The following PARM1 variants were observed in gnomAD, a reference collection of about 807,000 sequenced individuals.
PARM1 encodes the protein prostate androgen-regulated mucin-like protein 1.
A neutral mutation model predicts 24.6 loss-of-function variants in PARM1; 14 were observed. The observed-to-expected ratio is 0.57, with a 90% confidence interval of 0.38 to 0.89. PARM1 has a LOEUF of 0.89. Among genes scored for constraint, PARM1 ranks in the 40% least tolerant of loss-of-function variants. The pLI is 0.00. For synonymous variants in PARM1, 179 were observed against 156.6 expected, an observed-to-expected ratio of 1.14 and a Z score of -1.07; for missense variants, 362 against 380.4, an observed-to-expected ratio of 0.95 and a Z score of 0.40.
chr4:74,984,581 AT>A (rs1171230029), intron 1 of PARM1, among the ~76,000 whole-genome samples: 2 of 152,166 alleles, frequency 1.3e-5, no homozygotes, highest in East Asian at 3.9e-4. Flanking sequence ...GTTCTTTATC[AT>A]TTTCGAACGT....
At chr4:75,003,819 C>T (rs997871179) in intron 1 of PARM1, among the ~76,000 whole-genome samples, 1 of 152,136 alleles carries the variant, frequency 6.6e-6, no homozygotes, top group Non-Finnish European at 1.5e-5. Flanking sequence ...AACAGTGGCT[C>T]AACCTAAAAC....
At chr4:74,936,179 A>T (rs1721179685) in intron 1 of PARM1, among the ~76,000 whole-genome samples, 1 of 152,156 alleles carries the variant, frequency 6.6e-6, no homozygotes, top group African/African-American at 2.4e-5. Flanking sequence ...GATGGTCTTC[A>T]GTTCTCTCAA....
chr4:74,935,604 C>T (rs1377342585), intron 1 of PARM1, among the ~76,000 whole-genome samples: 1 of 152,168 alleles, frequency 6.6e-6, no homozygotes, highest in Non-Finnish European at 1.5e-5. Flanking sequence ...CTGTTTCCTT[C>T]TCATTTTCCT....
intron 2 of PARM1, among the ~76,000 whole-genome samples, chr4:75,027,959 A>G (rs1458052238): frequency 6.6e-6 from 1 of 152,194 alleles, no homozygotes; most frequent in Admixed American, 6.5e-5. Context: ...TGGGCAACAC[A>G]TGGACTCTCG....
At chr4:75,007,043 C>A (rs1432083018) in intron 1 of PARM1, among the ~76,000 whole-genome samples, 3 of 152,146 alleles carry the variant, frequency 2.0e-5, no homozygotes, top group African/African-American at 7.2e-5. Context: ...AATCAAGCAA[C>A]CCCATCAAAA....
At chr4:74,955,624 C>T (rs1378262209) in intron 1 of PARM1, among the ~76,000 whole-genome samples, 1 of 152,198 alleles carries the variant, frequency 6.6e-6, no homozygotes, top group Non-Finnish European at 1.5e-5. Flanking sequence ...TCATAAGCCT[C>T]CTCAGGATAT....
chr4:74,986,045 G>C (rs1478841155), intron 1 of PARM1, among the ~76,000 whole-genome samples: 1 of 152,178 alleles, frequency 6.6e-6, no homozygotes, highest in Non-Finnish European at 1.5e-5. Flanking sequence ...GGGATTACAG[G>C]CATGAGCCAC....
intron 1 of PARM1, among the ~76,000 whole-genome samples, chr4:74,940,560 A>G (rs1721284843): frequency 6.6e-6 from 1 of 152,174 alleles, no homozygotes; most frequent in Non-Finnish European, 1.5e-5. Context: ...ACCACTTCCT[A>G]AAGACCCCAC....
chr4:74,985,546 A>T (rs1722335346), intron 1 of PARM1, among the ~76,000 whole-genome samples: 1 of 152,196 alleles, frequency 6.6e-6, no homozygotes, highest in South Asian at 2.1e-4. Flanking sequence ...GTAACAAAGC[A>T]ACTTGCTTAA....
chr4:74,994,594 AG>A (rs928492370), intron 1 of PARM1, among the ~76,000 whole-genome samples: 1 of 152,072 alleles, frequency 6.6e-6, no homozygotes, highest in Non-Finnish European at 1.5e-5. Context: ...GGATAACTTG[AG>A]GTCAGTATTT....
intron 1 of PARM1, among the ~76,000 whole-genome samples, chr4:74,979,316 G>A (rs1032663852): frequency 2.0e-5 from 3 of 152,092 alleles, no homozygotes; most frequent in Non-Finnish European, 2.9e-5. Flanking sequence ...ACAACCATCA[G>A]AGAATACTAT....
intron 1 of PARM1, among the ~76,000 whole-genome samples, chr4:74,978,105 C>T (rs970957411): frequency 2.0e-5 from 3 of 152,168 alleles, no homozygotes; most frequent in Admixed American, 6.5e-5. Flanking sequence ...GGATCAAATT[C>T]ACACATAACA....
At chr4:74,955,471 T>G (rs959008434) in intron 1 of PARM1, among the ~76,000 whole-genome samples, 1 of 152,254 alleles carries the variant, frequency 6.6e-6, no homozygotes, top group Non-Finnish European at 1.5e-5. Context: ...ATTATGTATA[T>G]GTACTTATTT....
At chr4:74,961,011 A>G (rs186359259) in intron 1 of PARM1, among the ~76,000 whole-genome samples, 216 of 152,218 alleles carry the variant, frequency 1.4e-3, no homozygotes, top group African/African-American at 5.1e-3. Context: ...TCTCAAAAAA[A>G]AAAAAAAGAT....
At position 75,046,388 on chromosome 4, in the gene PARM1, C is replaced by A. The variant is rs996430414; in HGVS notation, c.*141C>A. On this transcript the variant is annotated 3_prime_UTR_variant, in exon 4 of 4. Transcript: ENST00000307428. ...GGTATGGTTGTTTTTGTTTTCCTCC[C>A]TCTCCTCTGGCTGCTACAACTTCCC... 1.2e-5 allele frequency: 7 copies of A among 583,690 alleles called. No homozygotes were observed. The African/African-American group carries it at 1.3e-4, about 11-fold the overall frequency. The allele number at this position is 583,690 out of a possible 1,614,324, so 36.2% of individuals were successfully genotyped here. A position where few individuals can be genotyped will look rare whatever the true frequency, so the allele number is the denominator to read the frequency against.
At chr4:75,020,034 A>AG (rs1723062468) in intron 2 of PARM1, among the ~76,000 whole-genome samples, 1 of 149,514 alleles carries the variant, frequency 6.7e-6, no homozygotes, top group African/African-American at 2.5e-5. Flanking sequence ...AAAAAAAAAA[A>AG]AAAGAAAATT....
chr4:74,939,957 T>C (rs897161597), intron 1 of PARM1, among the ~76,000 whole-genome samples: 3 of 152,180 alleles, frequency 2.0e-5, no homozygotes, highest in African/African-American at 7.2e-5. Flanking sequence ...TTCTTTTCAA[T>C]GAACAAGGAA....
At chr4:74,955,748 A>C (rs1034713353) in intron 1 of PARM1, among the ~76,000 whole-genome samples, 4 of 152,234 alleles carry the variant, frequency 2.6e-5, no homozygotes, top group Non-Finnish European at 5.9e-5. Context: ...CTCTCAAGTT[A>C]CAGATGAAGA....
At chr4:74,948,337 G>C (rs73826592) in intron 1 of PARM1, among the ~76,000 whole-genome samples, 2,443 of 152,244 alleles carry the variant, frequency 0.016, 68 homozygotes, top group African/African-American at 0.057. Flanking sequence ...TCATGTAAAC[G>C]TTAGTCCCCT....
Sources: gnomAD v4.1 joint callset for allele counts (sites outside exome capture counted in the v4.1 genomes callset) on GRCh38, gnomAD v4.1.1 for gene constraint, MANE v1.5 for transcripts, NCBI Gene and HGNC (gene_info 2026-07-23, HGNC 2026-07-21) for gene names.